The following PLCG2 variants were observed in gnomAD, a reference collection of about 807,000 sequenced individuals.
PLCG2 encodes 1-phosphatidylinositol 4,5-bisphosphate phosphodiesterase gamma-2.
In PLCG2, 69 loss-of-function variants were observed where a neutral mutation model predicts 175.6. The ratio of observed to expected loss-of-function variants is 0.39; its 90% confidence interval spans 0.32 to 0.48. The LOEUF (loss-of-function observed/expected upper bound fraction) is 0.48. Ranked by LOEUF, PLCG2 falls within the 20% of genes least tolerant of loss-of-function variation. The probability of loss-of-function intolerance (pLI) is 0.91; values close to 1 mark genes in which losing one functional copy is unlikely to be tolerated. For synonymous variants in PLCG2, 827 were observed against 624.0 expected (o/e 1.33, Z -4.85); for missense variants, 1,798 against 1,650.9 (o/e 1.09, Z -1.54).
upstream of PLCG2, among the ~76,000 whole-genome samples, chr16:81,777,770 C>CT (rs1323808128): frequency 2.6e-5 from 4 of 152,030 alleles, no homozygotes; most frequent in Non-Finnish European, 4.4e-5. Context: ...AATCCCAGCA[C>CT]TTTGGGAGGC....
intron 2 of PLCG2, among the ~76,000 whole-genome samples, chr16:81,851,294 T>G (rs1485902258): frequency 1.3e-5 from 2 of 152,262 alleles, no homozygotes; most frequent in Non-Finnish European, 2.9e-5. Context: ...TATCAAAACC[T>G]GGACATGGTC....
At chr16:81,783,005 A>C (rs903059170) in intron 1 of PLCG2, 3 of 421,112 alleles carry the variant, frequency 7.1e-6, no homozygotes, top group Non-Finnish European at 1.4e-5. Context: ...TTTATGGCTG[A>C]GTTGATCCAC....
Position 81,959,021 on chromosome 16 carries a change from T to C in PLCG2, c.*1023T>C, listed in dbSNP as rs1911683220. 2 of 223,480 alleles carry C rather than the reference T, an allele frequency of 8.9e-6. No individual in the cohort carries two copies. Among genetic ancestry groups the C allele is most frequent in the Non-Finnish European group, 1.8e-5 (2 of 111,958 alleles). The allele number at this position is 223,480 out of a possible 1,614,324, so 13.8% of individuals were successfully genotyped here. Reference sequence around the variant, plus strand: ...CAGATCTACCTAGTTCATGACAGTATGTGCGGCTGGCCAGGGCTTTACACC... The same window carrying C: ...CAGATCTACCTAGTTCATGACAGTACGTGCGGCTGGCCAGGGCTTTACACC... On this transcript the variant is annotated 3_prime_UTR_variant, in exon 33 of 33. Transcript: ENST00000564138.
chr16:81,800,557 A>T (rs550122328), intron 2 of PLCG2, among the ~76,000 whole-genome samples: 1 of 152,214 alleles, frequency 6.6e-6, no homozygotes, highest in South Asian at 2.1e-4. Context: ...GTTCCGTTTT[A>T]TGGCTGCATA....
chr16:81,750,971 CTTTTTTTTT>C (rs34518159), intron 1 of PLCG2, among the ~76,000 whole-genome samples: 9 of 41,736 alleles, frequency 2.2e-4, no homozygotes, highest in African/African-American at 7.0e-4. Flanking sequence ...CCGCACCCAG[CTTTTTTTTT>C]TTTTTTTTTT....
In PLCG2 at chr16:81,937,963, G is replaced by A. The variant is rs528089075; in HGVS notation, c.3198+60G>A. On this transcript the variant is annotated intron_variant, in intron 28 of 32. Transcript: ENST00000564138. ...AGCCGCCCTCCCTGGGGGCTGGGCC[G>A]ATGCTGTCTTGAGAGCAGGGAACCC... The A allele has an allele frequency of 1.5e-4, 233 of 1,557,462 alleles. 1 individual carries two copies. The African/African-American group carries it at 1.6e-3, about 11-fold the overall frequency.
At chr16:81,875,298 CT>C (rs550822638) in intron 7 of PLCG2, among the ~76,000 whole-genome samples, 10 of 152,136 alleles carry the variant, frequency 6.6e-5, no homozygotes, top group African/African-American at 1.7e-4. Flanking sequence ...TAATTCCCCC[CT>C]AGAGGCCTGT....
intron 27 of PLCG2, 136 bp downstream of exon 27, chr16:81,936,514 A>G: frequency 2.8e-6 from 2 of 702,264 alleles, no homozygotes; most frequent in African/African-American, 1.8e-5. Context: ...ACGGTTCAGC[A>G]GAGTAATGGT....
intron 2 of PLCG2, among the ~76,000 whole-genome samples, chr16:81,766,360 C>T (rs533337989): frequency 6.6e-6 from 1 of 152,282 alleles, no homozygotes; most frequent in African/African-American, 2.4e-5. Context: ...CCAACCCTGC[C>T]CTCAAGCTCT....
intron 22 of PLCG2, among the ~76,000 whole-genome samples, chr16:81,926,514 C>T (rs994480159): frequency 6.6e-6 from 1 of 152,190 alleles, no homozygotes; most frequent in East Asian, 1.9e-4. Context: ...AATGTTTTAG[C>T]TGAATAATAA....
intron 2 of PLCG2, among the ~76,000 whole-genome samples, chr16:81,762,747 C>G (rs760450415): frequency 1.3e-5 from 2 of 152,128 alleles, no homozygotes; most frequent in African/African-American, 2.4e-5. Flanking sequence ...CCCCAAGTCC[C>G]CAAGGCTGGC....
intron 19 of PLCG2, among the ~76,000 whole-genome samples, chr16:81,916,227 C>T (rs941181202): frequency 6.7e-6 from 1 of 149,988 alleles, no homozygotes; most frequent in African/African-American, 2.5e-5. Context: ...TTTTACAGGA[C>T]TTTTTGACGA....
At chr16:81,768,605 G>T (rs1326055839) in intron 2 of PLCG2, among the ~76,000 whole-genome samples, 1 of 121,354 alleles carries the variant, frequency 8.2e-6, no homozygotes, top group African/African-American at 3.2e-5. Context: ...CGCTCTTGTT[G>T]CCCAGGCTGG....
At chr16:81,910,861 G>A (rs1421066138) in intron 18 of PLCG2, 141 bp downstream of exon 18, 4 of 754,168 alleles carry the variant, frequency 5.3e-6, no homozygotes, top group African/African-American at 1.7e-5. Flanking sequence ...AATTGCCGAG[G>A]TGGCCAGTTT....
chr16:81,869,178 C>T lies in PLCG2; in HGVS notation c.480-36C>T. On this transcript the variant is annotated intron_variant, in intron 5 of 32. Coordinates refer to ENST00000564138, the MANE Select transcript of PLCG2 (RefSeq NM_002661.5). ...GCTAAATCCTGTGCTGTTGAAAACC[C>T]TCAAGGTGACAGAACTGGGTCTCCC... is the stretch of plus-strand genomic sequence containing the variant. 1.9e-6 allele frequency: 3 copies of T among 1,549,132 alleles called. No homozygotes were observed. The East Asian group carries it at 6.7e-5, about 35-fold the overall frequency.
chr16:81,785,849 A>T lies in PLCG2; in HGVS notation c.-47-94A>T, dbSNP rs556670256. 13 of 733,564 alleles carry T rather than the reference A, an allele frequency of 1.8e-5. No individual in the cohort carries two copies. In the South Asian group the frequency reaches 1.9e-4, roughly 11 times the overall value. 45.4% of individuals were successfully genotyped at this position (733,564 alleles called of 1,614,324 possible). A position where few individuals can be genotyped will look rare whatever the true frequency, so the allele number is the denominator to read the frequency against. ...TCTCCTAAAACTCATCCTGATTGAC[A>T]TGAGACAGGATTTTGGTTCCTGAAG... On this transcript the variant is annotated intron_variant, in intron 1 of 32. Transcript: ENST00000564138.
chr16:81,778,905 C>T (rs1440578716), upstream of PLCG2, among the ~76,000 whole-genome samples: 1 of 152,242 alleles, frequency 6.6e-6, no homozygotes, highest in Non-Finnish European at 1.5e-5. Context: ...AGACGATCCT[C>T]CCGTCTAGGC....
intron 2 of PLCG2, among the ~76,000 whole-genome samples, chr16:81,834,165 G>A (rs1304072170): frequency 1.3e-5 from 2 of 152,180 alleles, no homozygotes; most frequent in African/African-American, 4.8e-5. Context: ...TTCCTGGGCT[G>A]TCTCTGGAAA....
chr16:81,805,228 G>A (rs1423852839), intron 2 of PLCG2, among the ~76,000 whole-genome samples: 2 of 152,070 alleles, frequency 1.3e-5, no homozygotes, highest in South Asian at 2.1e-4. Context: ...GGCCAGGCTC[G>A]GTAGCTCATG....
Sources: gnomAD v4.1 joint callset for allele counts (sites outside exome capture counted in the v4.1 genomes callset) on GRCh38, gnomAD v4.1.1 for gene constraint, MANE v1.5 for transcripts, NCBI Gene and HGNC (gene_info 2026-07-23, HGNC 2026-07-21) for gene names.